The following SSPN variants were observed in gnomAD, a reference collection of about 807,000 sequenced individuals.
The protein encoded by SSPN is sarcospan, also known as K-ras oncogene-associated protein.
Under a neutral mutation model 19.1 loss-of-function variants are expected in SSPN, and 15 were observed. The ratio of observed to expected loss-of-function variants is 0.78; its 90% CI spans 0.52 to 1.21. SSPN has a LOEUF of 1.21. Among genes scored for constraint, SSPN ranks in the 50% most tolerant of loss-of-function variants. SSPN has a pLI of 0.00. For missense variants in SSPN, 291 were observed against 314.0 expected (o/e 0.93, Z 0.55); for synonymous variants, 147 against 140.3 (o/e 1.05, Z -0.34).
intron 1 of SSPN, among the ~76,000 whole-genome samples, chr12:26,128,036 A>G (rs1312267796): frequency 6.6e-6 from 1 of 151,916 alleles, no homozygotes; most frequent in African/African-American, 2.4e-5. Flanking sequence ...CAGATGAGAA[A>G]ATGCTTACAA....
chr12:26,134,514 G>A (rs1390328813), intron 1 of SSPN, among the ~76,000 whole-genome samples: 1 of 152,212 alleles, frequency 6.6e-6, no homozygotes, highest in Non-Finnish European at 1.5e-5. Context: ...TGTATCCCCA[G>A]TGTCTAGGAC....
chr12:26,122,818 C>T (rs1375836285), intron 1 of SSPN: 2 of 1,588,630 alleles, frequency 1.3e-6, no homozygotes, highest in Non-Finnish European at 1.7e-6. Flanking sequence ...GTGTCGTTCT[C>T]GGCGGCGAGC....
intron 1 of SSPN, among the ~76,000 whole-genome samples, chr12:26,133,914 T>C (rs1179275978): frequency 4.6e-5 from 7 of 152,218 alleles, no homozygotes; most frequent in Admixed American, 2.0e-4. Context: ...TGGCATCAGG[T>C]ATCTCACACT....
At chr12:26,196,069 C>A in intron 1 of SSPN, 118 bp downstream of exon 1, 1 of 888,846 alleles carries the variant, frequency 1.1e-6, no homozygotes, top group South Asian at 2.2e-5. Context: ...TCTTCTAACT[C>A]GCGCTCTGCT....
At chr12:26,184,642 A>G (rs1437393864) in intron 1 of SSPN, among the ~76,000 whole-genome samples, 1 of 152,236 alleles carries the variant, frequency 6.6e-6, no homozygotes, top group East Asian at 1.9e-4. Context: ...ATCTGTCCAG[A>G]GAACTTTAGT....
intron 2 of SSPN, among the ~76,000 whole-genome samples, chr12:26,225,857 A>G (rs546413765): frequency 2.0e-5 from 3 of 151,880 alleles, no homozygotes; most frequent in East Asian, 3.9e-4. Flanking sequence ...TTATTAGTTT[A>G]TGTGAAATAC....
At chr12:26,225,344 T>C (rs1242177931) in intron 2 of SSPN, among the ~76,000 whole-genome samples, 1 of 152,120 alleles carries the variant, frequency 6.6e-6, no homozygotes, top group Non-Finnish European at 1.5e-5. Flanking sequence ...TTTAAAATCA[T>C]GCTATAAAAA....
intron 1 of SSPN, among the ~76,000 whole-genome samples, chr12:26,206,369 A>G (rs1944931511): frequency 6.6e-6 from 1 of 152,206 alleles, no homozygotes; most frequent in South Asian, 2.1e-4. Context: ...ATATTTTTAA[A>G]GGTTGAACAA....
Position 26,231,658 on chromosome 12 carries a change from C to A in SSPN, c.*582C>A, listed in dbSNP as rs1238959766. The A allele has an allele frequency of 6.5e-6, 1 of 153,504 alleles. No homozygotes were observed. The highest frequency in any genetic ancestry group is 2.4e-5 in the African/African-American group (1 of 41,482). The allele number at this position is 153,504 out of a possible 1,614,324, so 9.5% of individuals were successfully genotyped here. ...TTGCAAAAGGCTAGATAACTAACAA[C>A]ACCTGGGTTGGGGCGGCGGCCTCTT... is the stretch of plus-strand genomic sequence containing the variant. On this transcript the variant is annotated 3_prime_UTR_variant, in exon 3 of 3. Coordinates refer to ENST00000242729, the MANE Select transcript of SSPN (RefSeq NM_005086.5).
intron 1 of SSPN, among the ~76,000 whole-genome samples, chr12:26,220,235 C>T (rs1169135494): frequency 1.0e-5 from 1 of 99,482 alleles, no homozygotes; most frequent in Non-Finnish European, 1.9e-5. Flanking sequence ...TTACAACATG[C>T]AAAGCTGTAG....
At chr12:26,162,445 C>T (rs1467078087) in intron 1 of SSPN, among the ~76,000 whole-genome samples, 2 of 152,170 alleles carry the variant, frequency 1.3e-5, no homozygotes, top group African/African-American at 4.8e-5. Flanking sequence ...ATTTGTGGCT[C>T]TCCTGCTTTA....
At chr12:26,182,671 C>T (rs1944727341) in intron 1 of SSPN, among the ~76,000 whole-genome samples, 1 of 140,246 alleles carries the variant, frequency 7.1e-6, no homozygotes, top group African/African-American at 2.6e-5. Flanking sequence ...GGCTTGCAAT[C>T]CTAGTCATGC....
chr12:26,154,998 A>G (rs961043076), intron 1 of SSPN, among the ~76,000 whole-genome samples: 7 of 152,182 alleles, frequency 4.6e-5, no homozygotes, highest in African/African-American at 1.7e-4. Flanking sequence ...AATTTTTATA[A>G]TGGGAAACTG....
At chr12:26,140,857 G>A (rs1040841741) in intron 1 of SSPN, among the ~76,000 whole-genome samples, 2 of 152,118 alleles carry the variant, frequency 1.3e-5, no homozygotes, top group African/African-American at 2.4e-5. Flanking sequence ...ATGTGAGTAC[G>A]AATGAATACA....
At chr12:26,200,910 C>T (rs1944871229) in intron 1 of SSPN, among the ~76,000 whole-genome samples, 2 of 148,882 alleles carry the variant, frequency 1.3e-5, no homozygotes, top group African/African-American at 5.0e-5. Flanking sequence ...ATACATAGAA[C>T]AATAATGACA....
intron 1 of SSPN, chr12:26,134,827 G>C (rs1197640842): frequency 6.6e-6 from 1 of 152,160 alleles, no homozygotes; most frequent in Non-Finnish European, 1.5e-5. Context: ...GGCACATGGA[G>C]ATTAGAAAGT....
At chr12:26,133,701 T>C (rs1944409067) in intron 1 of SSPN, among the ~76,000 whole-genome samples, 1 of 152,234 alleles carries the variant, frequency 6.6e-6, no homozygotes, top group Non-Finnish European at 1.5e-5. Context: ...GTCCAGAAGC[T>C]ACTGTAAACC....
intron 1 of SSPN, chr12:26,124,134 CTCT>C: frequency 6.2e-7 from 1 of 1,612,874 alleles, no homozygotes; most frequent in Non-Finnish European, 8.5e-7. Context: ...TTAATTCGGT[CTCT>C]TCTTTTCTTT....
chr12:26,189,259 C>A (rs979384762), intron 1 of SSPN, among the ~76,000 whole-genome samples: 17 of 152,042 alleles, frequency 1.1e-4, no homozygotes, highest in Non-Finnish European at 2.1e-4. Flanking sequence ...TAAAACTCAC[C>A]TGTGCTTTCA....
Sources: allele counts gnomAD v4.1 joint callset (sites outside exome capture counted in the v4.1 genomes callset), GRCh38; gene constraint gnomAD v4.1.1; transcripts MANE v1.5; gene names NCBI Gene and HGNC (gene_info 2026-07-23, HGNC 2026-07-21).